SLC4A10: variants seen among roughly 807,000 people sequenced by gnomAD.
The protein encoded by SLC4A10 is sodium-driven chloride bicarbonate exchanger.
A neutral mutation model predicts 137.7 loss-of-function variants in SLC4A10; 42 were observed. That is an observed-to-expected ratio of 0.30 (90% confidence interval 0.24 to 0.39). The LOEUF (loss-of-function observed/expected upper bound fraction) is 0.39, where lower values mean the gene tolerates loss of function less well. Ranked by LOEUF, SLC4A10 falls within the 10% of genes least tolerant of loss-of-function variation. The pLI, the probability that SLC4A10 is intolerant of heterozygous loss-of-function variation, is 1.00. For missense variants in SLC4A10, 925 were observed against 1,355.0 expected (o/e 0.68, Z 4.98); for synonymous variants, 474 against 464.1 (o/e 1.02, Z -0.27).
intron 23 of SLC4A10, among the ~76,000 whole-genome samples, chr2:161,972,889 T>A (rs796479449): frequency 2.6e-4 from 39 of 152,298 alleles, no homozygotes; most frequent in African/African-American, 9.4e-4. Context: ...TTGCATTGTA[T>A]CTTCATAGGT....
At chr2:161,882,895 G>A (rs2061914958) in intron 10 of SLC4A10, among the ~76,000 whole-genome samples, 1 of 152,036 alleles carries the variant, frequency 6.6e-6, no homozygotes, top group Admixed American at 6.6e-5. Context: ...TTTTAACCTG[G>A]GAGTCTGGGG....
chr2:161,895,088 A>G (rs2063320553), intron 11 of SLC4A10, among the ~76,000 whole-genome samples: 2 of 96,670 alleles, frequency 2.1e-5, no homozygotes, highest in South Asian at 7.5e-4. Context: ...AACAGTCCCC[A>G]GAGTGTGATG....
chr2:161,691,572 C>A (rs1336766858), intron 1 of SLC4A10, among the ~76,000 whole-genome samples: 1 of 151,826 alleles, frequency 6.6e-6, no homozygotes, highest in Non-Finnish European at 1.5e-5. Flanking sequence ...ATCTCATGTA[C>A]CCCATGAATA....
Position 161,854,985 on chromosome 2 carries a change from A to G in SLC4A10, c.432A>G (p.Glu144=), listed in dbSNP as rs769145001. The change falls in exon 5 of 27, where the codon GAA becomes GAG. Residue 144 remains glutamate (E), a synonymous_variant. Coordinates refer to ENST00000446997, the MANE Select transcript of SLC4A10 (RefSeq NM_001178015.2). The part of the protein sequence containing the change: ...WRETARWLKF[E]EDVEDGGERW... Reference sequence around the variant, plus strand: ...GTTTGTATAGGTGGTTGAAGTTTGAAGAAGATGTGGAAGATGGAGGAGAAA... The same window carrying G: ...GTTTGTATAGGTGGTTGAAGTTTGAGGAAGATGTGGAAGATGGAGGAGAAA... 1.9e-6 allele frequency: 3 copies of G among 1,612,496 alleles called. No individual in the cohort carries two copies. Among genetic ancestry groups the G allele is most frequent in the Non-Finnish European group, 2.5e-6 (3 of 1,179,246 alleles).
chr2:161,952,801 A>T (rs1246681232), intron 19 of SLC4A10, among the ~76,000 whole-genome samples: 1 of 152,192 alleles, frequency 6.6e-6, no homozygotes, highest in African/African-American at 2.4e-5. Flanking sequence ...ATAAGCTTCT[A>T]TAGAGTGTGG....
intron 23 of SLC4A10, 92 bp downstream of exon 23, chr2:161,965,265 A>G: frequency 7.3e-7 from 1 of 1,368,516 alleles, no homozygotes; most frequent in Non-Finnish European, 9.8e-7. Flanking sequence ...ATCTTTAGAC[A>G]GTTTTGTCTT....
intron 1 of SLC4A10, among the ~76,000 whole-genome samples, chr2:161,748,887 A>G (rs1327009959): frequency 6.6e-6 from 1 of 152,042 alleles, no homozygotes; most frequent in Non-Finnish European, 1.5e-5. Flanking sequence ...GCATTTTAAG[A>G]ATATTAATGT....
At chr2:161,832,627 G>T (rs1473495456) in intron 3 of SLC4A10, among the ~76,000 whole-genome samples, 1 of 152,148 alleles carries the variant, frequency 6.6e-6, no homozygotes, top group Admixed American at 6.5e-5. Context: ...TTACAGTCTG[G>T]CAGTAGTCTC....
chr2:161,933,877 A>G (rs1395441521), intron 15 of SLC4A10, among the ~76,000 whole-genome samples: 2 of 152,178 alleles, frequency 1.3e-5, no homozygotes, highest in South Asian at 4.1e-4. Flanking sequence ...TGGTAGGTCT[A>G]TTAATTTTTT....
At chr2:161,840,733 C>T (rs577261883) in intron 4 of SLC4A10, among the ~76,000 whole-genome samples, 6 of 152,248 alleles carry the variant, frequency 3.9e-5, no homozygotes, top group African/African-American at 1.4e-4. Context: ...TGTGGGCACA[C>T]CCAGGGTTGT....
intron 16 of SLC4A10, among the ~76,000 whole-genome samples, chr2:161,945,182 G>GTGTGTATATA (rs1185711774): frequency 1.1e-5 from 1 of 88,860 alleles, no homozygotes; most frequent in Non-Finnish European, 2.1e-5. Context: ...AAGTTTGTGT[G>GTGTGTATATA]TATATATATA....
At chr2:161,672,262 ATAT>A (rs2039812765) in intron 1 of SLC4A10, among the ~76,000 whole-genome samples, 1 of 152,196 alleles carries the variant, frequency 6.6e-6, no homozygotes, top group South Asian at 2.1e-4. Flanking sequence ...GGAAACTTTA[ATAT>A]TATAATAATC....
In SLC4A10 at chr2:161,812,667, C is replaced by A. The variant is rs1228658679; in HGVS notation, c.277+8072C>A. 2.0e-5 allele frequency among the ~76,000 whole-genome samples: 3 copies of A among 152,074 alleles called. No homozygotes were observed. In the South Asian group the frequency reaches 6.2e-4, roughly 31 times the overall value. On this transcript the variant is annotated intron_variant, in intron 3 of 26. Transcript: ENST00000446997. ...ATTTGCTTAGAGTAATGGCCTCCAG[C>A]TGCATTCATGTTACTGCAAAAGGAT...
At chr2:161,691,662 C>CTTA (rs1255311519) in intron 1 of SLC4A10, among the ~76,000 whole-genome samples, 1 of 152,016 alleles carries the variant, frequency 6.6e-6, no homozygotes, top group Non-Finnish European at 1.5e-5. Flanking sequence ...TTATTGAGCT[C>CTTA]TTATATACGC....
chr2:161,829,682 C>T (rs2058297120), intron 3 of SLC4A10, among the ~76,000 whole-genome samples: 2 of 151,986 alleles, frequency 1.3e-5, no homozygotes, highest in Non-Finnish European at 2.9e-5. Context: ...GGATATTTTA[C>T]TTTTTTTCTA....
intron 3 of SLC4A10, among the ~76,000 whole-genome samples, chr2:161,836,615 A>G (rs1007427115): frequency 2.0e-5 from 3 of 149,426 alleles, no homozygotes; most frequent in African/African-American, 7.4e-5. Context: ...GAAGGAAAGA[A>G]ATGAAAGAAA....
At chr2:161,635,060 A>G (rs1332231281) in intron 1 of SLC4A10, among the ~76,000 whole-genome samples, 1 of 152,128 alleles carries the variant, frequency 6.6e-6, no homozygotes, top group Non-Finnish European at 1.5e-5. Context: ...TGATGATACC[A>G]GCCATTTAAT....
At position 161,879,482 on chromosome 2, in the gene SLC4A10, C is replaced by G. The variant is rs576901238; in HGVS notation, c.1106+194C>G. 4.0e-4 allele frequency among the ~76,000 whole-genome samples: 60 copies of G among 150,880 alleles called. 1 individual carries two copies. The highest frequency in any genetic ancestry group is 8.5e-4 in the Non-Finnish European group (58 of 67,908). On this transcript the variant is annotated intron_variant, in intron 9 of 26. Coordinates refer to ENST00000446997, the MANE Select transcript of SLC4A10 (RefSeq NM_001178015.2). ...ATTATTCTCTTCTTTCCTCCCTTCTCTCAAACTTCTGCTTCATTTTAGGCA... is the reference window on the plus strand; with the variant it reads ...ATTATTCTCTTCTTTCCTCCCTTCTGTCAAACTTCTGCTTCATTTTAGGCA...
intron 1 of SLC4A10, among the ~76,000 whole-genome samples, chr2:161,677,052 A>C (rs951936854): frequency 1.3e-5 from 2 of 152,056 alleles, no homozygotes; most frequent in African/African-American, 4.8e-5. Context: ...CCAGTATTGA[A>C]AGTGGTGCCT....
Sources: allele counts gnomAD v4.1 joint callset (sites outside exome capture counted in the v4.1 genomes callset), GRCh38; gene constraint gnomAD v4.1.1; transcripts MANE v1.5; gene names NCBI Gene and HGNC (gene_info 2026-07-23, HGNC 2026-07-21).